ADAM19: variants seen among roughly 807,000 people sequenced by gnomAD.
ADAM19 encodes the protein ADAM metallopeptidase domain 19.
A neutral mutation model predicts 114.7 loss-of-function variants in ADAM19; 65 were observed. The observed-to-expected ratio is 0.57, with a 90% CI of 0.46 to 0.70. The LOEUF (loss-of-function observed/expected upper bound fraction) is 0.70, where lower values mean the gene tolerates loss of function less well. Ranked by LOEUF, ADAM19 falls within the 30% of genes least tolerant of loss-of-function variation. The pLI, the probability that ADAM19 is intolerant of heterozygous loss-of-function variation, is 0.00. For missense variants in ADAM19, 1,063 were observed against 1,204.7 expected, an observed-to-expected ratio of 0.88 and a Z score of 1.74; for synonymous variants, 466 against 460.5, an observed-to-expected ratio of 1.01 and a Z score of -0.15.
chr5:157,490,220 A>G (rs1258591429), intron 19 of ADAM19, 90 bp downstream of exon 19: 30 of 1,469,010 alleles, frequency 2.0e-5, no homozygotes, highest in Non-Finnish European at 2.8e-5. Context: ...AATTAGACCC[A>G]CTATCACCAA....
intron 5 of ADAM19, among the ~76,000 whole-genome samples, chr5:157,521,103 G>C (rs989878695): frequency 1.3e-5 from 2 of 152,168 alleles, no homozygotes; most frequent in African/African-American, 4.8e-5. Context: ...TTGGACTGGA[G>C]GCAGCTGCTT....
intron 3 of ADAM19, among the ~76,000 whole-genome samples, chr5:157,539,559 T>A (rs6879838): frequency 0.18 from 26,851 of 152,128 alleles, 2,760 homozygotes; most frequent in African/African-American, 0.27. Context: ...TCCTGTACTA[T>A]GTCAAGGCCT....
intron 5 of ADAM19, among the ~76,000 whole-genome samples, chr5:157,530,574 C>G (rs1198440599): frequency 6.6e-6 from 1 of 152,192 alleles, no homozygotes; most frequent in Non-Finnish European, 1.5e-5. Flanking sequence ...TAAATAATAA[C>G]AAAACCTATA....
chr5:157,562,721 A>G lies in ADAM19; in HGVS notation c.251+1652T>C, dbSNP rs563034664. Among the ~76,000 whole-genome samples the G allele has an allele frequency of 1.2e-3, 180 of 152,314 alleles. 3 individuals carry two copies. The highest frequency in any genetic ancestry group is 4.0e-3 in the African/African-American group (168 of 41,572). On this transcript the variant is annotated intron_variant, in intron 3 of 22. Coordinates refer to ENST00000257527, the MANE Select transcript of ADAM19 (RefSeq NM_033274.5). ...TCTCTGAATCAAAACTTCTGCATCC[A>G]TAATTTCAGAGTTTTCTAAGATCAT...
chr5:157,492,657 T>C (rs1432923097), intron 16 of ADAM19, among the ~76,000 whole-genome samples: 1 of 152,234 alleles, frequency 6.6e-6, no homozygotes, highest in Non-Finnish European at 1.5e-5. Context: ...CTCTGGAGGA[T>C]AGAGTCTGTG....
intron 12 of ADAM19, 108 bp from the exon 13 acceptor site, chr5:157,499,770 T>TCA: frequency 3.6e-6 from 2 of 548,456 alleles, no homozygotes; most frequent in Non-Finnish European, 3.2e-6. Context: ...CTAGCAACTA[T>TCA]CTCTTTTTTT....
At chr5:157,498,402 G>C (rs562626020) in intron 13 of ADAM19, among the ~76,000 whole-genome samples, 1 of 152,184 alleles carries the variant, frequency 6.6e-6, no homozygotes, top group African/African-American at 2.4e-5. Flanking sequence ...AACCGGCAGC[G>C]GGGCCTTGGG....
chr5:157,486,544 G>A (rs900060229), intron 21 of ADAM19, among the ~76,000 whole-genome samples: 5 of 152,092 alleles, frequency 3.3e-5, no homozygotes, highest in African/African-American at 7.2e-5. Flanking sequence ...CTGGGTCCCC[G>A]CTGTCCCTGA....
intron 18 of ADAM19, 33 bp from the exon 19 acceptor site, chr5:157,490,487 G>A (rs768889591): frequency 1.2e-6 from 2 of 1,608,776 alleles, no homozygotes; most frequent in Admixed American, 1.7e-5. Context: ...GGGAGATTTA[G>A]AAGCTGTCTC....
At chr5:157,494,259 G>GCATA (rs1366462326) in intron 15 of ADAM19, among the ~76,000 whole-genome samples, 2 of 142,348 alleles carry the variant, frequency 1.4e-5, no homozygotes, top group Non-Finnish European at 3.1e-5. Context: ...GTAGATGGAT[G>GCATA]GATAGATGGA....
At chr5:157,516,378 C>T (rs1756089956) in intron 7 of ADAM19, among the ~76,000 whole-genome samples, 1 of 152,210 alleles carries the variant, frequency 6.6e-6, no homozygotes, top group Non-Finnish European at 1.5e-5. Flanking sequence ...CTCTAGCTGA[C>T]ACCAGAGTCC....
At chr5:157,542,684 A>C (rs1375292098) in intron 3 of ADAM19, among the ~76,000 whole-genome samples, 1 of 152,218 alleles carries the variant, frequency 6.6e-6, no homozygotes, top group Non-Finnish European at 1.5e-5. Flanking sequence ...GCGCACCTGT[A>C]ATCCCAGCTA....
intron 3 of ADAM19, among the ~76,000 whole-genome samples, chr5:157,546,430 T>G (rs1041667993): frequency 1.1e-4 from 17 of 152,188 alleles, no homozygotes; most frequent in Non-Finnish European, 2.4e-4. Context: ...CATATTCCTA[T>G]CACCATATCC....
intron 3 of ADAM19, among the ~76,000 whole-genome samples, chr5:157,540,777 A>G (rs1756895636): frequency 6.6e-6 from 1 of 151,998 alleles, no homozygotes; most frequent in Non-Finnish European, 1.5e-5. Flanking sequence ...GAGACTACCC[A>G]CTCCATTTCT....
intron 1 of ADAM19, among the ~76,000 whole-genome samples, chr5:157,572,626 C>T (rs897490221): frequency 1.5e-4 from 23 of 152,162 alleles, no homozygotes; most frequent in African/African-American, 5.3e-4. Context: ...TGGACCAACA[C>T]CAATTCATCA....
At chr5:157,497,697 C>T (rs1242165629) in intron 13 of ADAM19, among the ~76,000 whole-genome samples, 2 of 152,174 alleles carry the variant, frequency 1.3e-5, no homozygotes, top group African/African-American at 4.8e-5. Flanking sequence ...GTGTGACATA[C>T]ACGTATCTCG....
chr5:157,489,026 T>C, intron 20 of ADAM19, 76 bp downstream of exon 20: 1 of 627,132 alleles, frequency 1.6e-6, no homozygotes, highest in Non-Finnish European at 2.5e-6. Flanking sequence ...CAAGACTCCA[T>C]CTCAAAAAGA....
At chr5:157,513,989 C>A (rs1253082742) in intron 7 of ADAM19, among the ~76,000 whole-genome samples, 1 of 152,200 alleles carries the variant, frequency 6.6e-6, no homozygotes, top group Non-Finnish European at 1.5e-5. Context: ...TTGTGCTTAG[C>A]ACTATGTAGG....
At chr5:157,565,370 A>G (rs141181941) in intron 2 of ADAM19, among the ~76,000 whole-genome samples, 2,127 of 152,326 alleles carry the variant, frequency 0.014, 32 homozygotes, top group Non-Finnish European at 0.022. Flanking sequence ...TGAGAATTTA[A>G]ACTGACGGCA....
Sources: gnomAD v4.1 joint callset for allele counts (sites outside exome capture counted in the v4.1 genomes callset) on GRCh38, gnomAD v4.1.1 for gene constraint, MANE v1.5 for transcripts, NCBI Gene and HGNC (gene_info 2026-07-23, HGNC 2026-07-21) for gene names.